RNF216: variants seen among roughly 807,000 people sequenced by gnomAD.
RNF216 encodes the protein ring finger protein 216.
In RNF216, 72 loss-of-function variants were observed where a neutral mutation model predicts 110.8. The ratio of observed to expected loss-of-function variants is 0.65; its 90% CI spans 0.54 to 0.79. RNF216 has a LOEUF of 0.79. Ranked by LOEUF, RNF216 falls within the 30% of genes least tolerant of loss-of-function variation. The pLI, the probability that RNF216 is intolerant of heterozygous loss-of-function variation, is 0.00. For missense variants in RNF216, 1,342 were observed against 1,141.2 expected (o/e 1.18, Z -2.54); for synonymous variants, 495 against 407.5 (o/e 1.21, Z -2.59).
intron 9 of RNF216, among the ~76,000 whole-genome samples, chr7:5,717,873 C>T (rs1793162718): frequency 6.6e-6 from 1 of 152,086 alleles, no homozygotes; most frequent in Admixed American, 6.5e-5. Flanking sequence ...GCCTCGACCT[C>T]CCAGGCTCAA....
chr7:5,743,166 G>C (rs895197634), intron 3 of RNF216, among the ~76,000 whole-genome samples: 6 of 152,094 alleles, frequency 3.9e-5, no homozygotes, highest in Admixed American at 3.9e-4. Flanking sequence ...GAGGCTGACG[G>C]AGCAGAATTG....
In RNF216 at chr7:5,623,072, TCTGTGG is replaced by T. The variant is rs758078652; in HGVS notation, c.2554_2559del (p.Pro852_Gln853del). ...GGGTGCGCGAAGGCATAGGGTGGCA[TCTGTGG>T]CTGTGGCAGGTTCTGCGGAACGGGC... On this transcript the variant is annotated inframe_deletion, in exon 17 of 17. Coordinates refer to ENST00000389902, the MANE Select transcript of RNF216 (RefSeq NM_207111.4). 2.5e-6 allele frequency: 4 copies of T among 1,612,694 alleles called. No homozygotes were observed. The highest frequency in any genetic ancestry group is 1.1e-5 in the South Asian group (1 of 91,014).
At chr7:5,710,836 G>A (rs1234074578) in intron 13 of RNF216, among the ~76,000 whole-genome samples, 1 of 152,140 alleles carries the variant, frequency 6.6e-6, no homozygotes, top group African/African-American at 2.4e-5. Flanking sequence ...CCCACTGGAA[G>A]CACACAAGGG....
intron 13 of RNF216, among the ~76,000 whole-genome samples, chr7:5,684,301 G>GC (rs1220847071): frequency 6.6e-6 from 1 of 151,848 alleles, no homozygotes; most frequent in African/African-American, 2.4e-5. Context: ...TAGAGACGGG[G>GC]TTTCACTGTG....
chr7:5,720,577 G>T (rs1249939187), intron 9 of RNF216, among the ~76,000 whole-genome samples: 2 of 152,060 alleles, frequency 1.3e-5, no homozygotes, highest in African/African-American at 4.8e-5. Flanking sequence ...TGTTGTTCAA[G>T]GGTCACTGTA....
chr7:5,774,225 T>TTCAATCTCCTAGGCCAATTTCCTCA (rs1304916359), intron 1 of RNF216, among the ~76,000 whole-genome samples: 1 of 152,230 alleles, frequency 6.6e-6, no homozygotes, highest in African/African-American at 2.4e-5. Flanking sequence ...AGATAAATTG[T>TTCAATCTCCTAGGCCAATTTCCTCA]TCAATCTCCT....
intron 13 of RNF216, among the ~76,000 whole-genome samples, chr7:5,692,066 C>T (rs938844539): frequency 7.2e-5 from 11 of 152,208 alleles, no homozygotes; most frequent in African/African-American, 2.7e-4. Flanking sequence ...CATTCCTACC[C>T]AGAGTTTTGC....
chr7:5,686,224 TA>T (rs71971690), intron 13 of RNF216, among the ~76,000 whole-genome samples: 6,369 of 111,608 alleles, frequency 0.057, 466 homozygotes, highest in African/African-American at 0.19. Context: ...ACTCTGTTAT[TA>T]AAAAAAAAAA....
At position 5,752,814 on chromosome 7, in the gene RNF216, A is replaced by G. The variant is rs371465679; in HGVS notation, c.201+32T>C. On this transcript the variant is annotated intron_variant, in intron 3 of 16. Transcript: ENST00000389902. ...AAAAATCAGATCACCAACTTGCAAT[A>G]ATGTCTCATTGTAAGTTTAAAGAAA... 2.7e-5 allele frequency: 43 copies of G among 1,602,668 alleles called. No individual in the cohort carries two copies. The African/African-American group carries it at 5.0e-4, about 18-fold the overall frequency.
At chr7:5,769,262 C>G (rs983502904) in intron 1 of RNF216, among the ~76,000 whole-genome samples, 1 of 151,782 alleles carries the variant, frequency 6.6e-6, no homozygotes, top group African/African-American at 2.4e-5. Context: ...GGACTACAGG[C>G]GTGCGCCACC....
intron 14 of RNF216, among the ~76,000 whole-genome samples, chr7:5,645,832 C>A (rs542466010): frequency 6.6e-6 from 1 of 152,110 alleles, no homozygotes; most frequent in African/African-American, 2.4e-5. Context: ...TCAAGTGATC[C>A]GCCCACGTCA....
At chr7:5,656,572 G>A (rs1232017449) in intron 13 of RNF216, among the ~76,000 whole-genome samples, 1 of 152,160 alleles carries the variant, frequency 6.6e-6, no homozygotes, top group Non-Finnish European at 1.5e-5. Flanking sequence ...AGGGGGGAAG[G>A]AGCATGCATG....
chr7:5,676,505 C>A (rs1194840727), intron 13 of RNF216, among the ~76,000 whole-genome samples: 3 of 152,192 alleles, frequency 2.0e-5, no homozygotes, highest in Non-Finnish European at 4.4e-5. Flanking sequence ...ATTGAGTACT[C>A]AGGCCAAGCC....
rs1301351152 is a variant in RNF216 at position 5,632,878 on chromosome 7, A to G, written c.2382+8276T>C. The stretch of plus-strand genomic sequence containing the variant: ...ATGAGTACCATGACGAAGCACACGA[A>G]TGGCACCACAGTGGGCAGTGCACCC... On this transcript the variant is annotated intron_variant, in intron 15 of 16. Transcript: ENST00000389902. 4.6e-5 allele frequency among the ~76,000 whole-genome samples: 7 copies of G among 152,210 alleles called. No individual in the cohort carries two copies. The East Asian group carries it at 1.3e-3, about 29-fold the overall frequency.
intron 5 of RNF216, among the ~76,000 whole-genome samples, chr7:5,734,794 A>C (rs1350766408): frequency 1.3e-5 from 2 of 149,236 alleles, no homozygotes; most frequent in Non-Finnish European, 3.0e-5. Context: ...ACTGCACTCC[A>C]GCTTGGGCGA....
chr7:5,628,047 G>C (rs1431501956), intron 15 of RNF216, among the ~76,000 whole-genome samples: 1 of 152,190 alleles, frequency 6.6e-6, no homozygotes, highest in Non-Finnish European at 1.5e-5. Flanking sequence ...ACTGCAGATA[G>C]AACCTTCCCA....
intron 14 of RNF216, among the ~76,000 whole-genome samples, chr7:5,651,340 C>A (rs1284609862): frequency 1.3e-5 from 2 of 151,930 alleles, no homozygotes; most frequent in Admixed American, 6.6e-5. Flanking sequence ...AATTCTCTTG[C>A]CTTAGCCTCC....
intron 13 of RNF216, among the ~76,000 whole-genome samples, chr7:5,670,014 C>T (rs916944576): frequency 1.3e-5 from 2 of 151,968 alleles, no homozygotes; most frequent in Admixed American, 1.3e-4. Flanking sequence ...GCAACCTCTG[C>T]CTCCCAAGTT....
chr7:5,635,574 C>T (rs1024397852), intron 15 of RNF216, among the ~76,000 whole-genome samples: 65 of 152,292 alleles, frequency 4.3e-4, no homozygotes, highest in African/African-American at 1.6e-3. Flanking sequence ...CTTTCCCCTG[C>T]CGCTTAAGCC....
Sources: gnomAD v4.1 joint callset for allele counts (sites outside exome capture counted in the v4.1 genomes callset) on GRCh38, gnomAD v4.1.1 for gene constraint, MANE v1.5 for transcripts, NCBI Gene and HGNC (gene_info 2026-07-23, HGNC 2026-07-21) for gene names.